The following DHX57 variants were observed in gnomAD, a reference collection of about 807,000 sequenced individuals.
DHX57 encodes putative ATP-dependent RNA helicase DHX57.
Under a neutral mutation model 156.2 loss-of-function variants are expected in DHX57, and 105 were observed. The ratio of observed to expected loss-of-function variants is 0.67; its 90% confidence interval spans 0.57 to 0.79. The LOEUF (loss-of-function observed/expected upper bound fraction) is 0.79, where lower values mean the gene tolerates loss of function less well. Ranked by LOEUF, DHX57 falls within the 30% of genes least tolerant of loss-of-function variation. The probability of loss-of-function intolerance (pLI) is 0.00; values close to 1 mark genes in which losing one functional copy is unlikely to be tolerated. For missense variants in DHX57, 1,847 were observed against 1,661.9 expected, an observed-to-expected ratio of 1.11 and a Z score of -1.94; for synonymous variants, 704 against 595.6, an observed-to-expected ratio of 1.18 and a Z score of -2.65.
chr2:38,813,698 T>A (rs1158571590), intron 21 of DHX57, 123 bp downstream of exon 21: 2 of 1,115,650 alleles, frequency 1.8e-6, no homozygotes, highest in Non-Finnish European at 2.6e-6. Flanking sequence ...TTTAAAAGGG[T>A]GTGCGTGTGT....
chr2:38,826,014 C>T lies in DHX57; in HGVS notation c.2847G>A (p.Glu949=), dbSNP rs757869432. The T allele has an allele frequency of 6.2e-7, 1 of 1,614,164 alleles. No individual in the cohort carries two copies. Among genetic ancestry groups the T allele is most frequent in the Admixed American group, 1.7e-5 (1 of 60,010 alleles). The change falls in exon 16 of 24, where the codon GAG becomes GAA. Residue 949 remains glutamate, a synonymous_variant. Transcript: ENST00000457308. ...CATTAGCTTGAGATACAAAGGTGTC[C>T]TCTAGACTTTCCATCCCTTTGCTGG... ...YDASKGMESL[E]DTFVSQANAL...
At chr2:38,861,938 C>T in intron 4 of DHX57, 101 bp from the exon 5 acceptor site, 1 of 1,319,464 alleles carries the variant, frequency 7.6e-7, no homozygotes, top group Non-Finnish European at 1.0e-6. Flanking sequence ...TATGACTACA[C>T]ATAGGCAGGG....
At chr2:38,868,523 T>C in intron 1 of DHX57, 112 bp from the exon 2 acceptor site, 4 of 1,107,476 alleles carry the variant, frequency 3.6e-6, no homozygotes, top group Non-Finnish European at 1.3e-6. Flanking sequence ...GGAAAATGCA[T>C]ATGTAAAAAG....
intron 8 of DHX57, chr2:38,854,824 A>C (rs1672798653): frequency 2.7e-6 from 1 of 368,042 alleles, no homozygotes; most frequent in South Asian, 3.0e-5. Flanking sequence ...GGCCTCTCAA[A>C]GTGCTGGGAT....
chr2:38,803,532 G>A (rs559304355), intron 22 of DHX57, among the ~76,000 whole-genome samples: 25 of 151,580 alleles, frequency 1.6e-4, no homozygotes, highest in Non-Finnish European at 3.1e-4. Context: ...TTTTTGTCCA[G>A]GCTGGAGTGC....
intron 9 of DHX57, among the ~76,000 whole-genome samples, chr2:38,850,164 C>T (rs1672505859): frequency 6.6e-6 from 1 of 152,146 alleles, no homozygotes; most frequent in Admixed American, 6.5e-5. Context: ...GTAACTATTT[C>T]TAACAAAGTA....
chr2:38,822,167 C>T (rs1416902741), intron 17 of DHX57, among the ~76,000 whole-genome samples: 1 of 152,146 alleles, frequency 6.6e-6, no homozygotes, highest in African/African-American at 2.4e-5. Context: ...ATTGCAACCT[C>T]TGCCTCCCAG....
intron 2 of DHX57, among the ~76,000 whole-genome samples, chr2:38,866,604 A>C (rs1311322765): frequency 6.6e-6 from 1 of 152,190 alleles, no homozygotes; most frequent in Non-Finnish European, 1.5e-5. Context: ...CTATCTAGAT[A>C]AGGACAATAT....
chr2:38,826,683 A>T lies in DHX57; in HGVS notation c.2646T>A (p.Val882=). 2 of 1,613,962 alleles carry T rather than the reference A, an allele frequency of 1.2e-6. No individual in the cohort carries two copies. The highest frequency in any genetic ancestry group is 1.7e-6 in the Non-Finnish European group (2 of 1,179,872). ...ATAAAGATGAATGAAGTGGGTGAAT[A>T]ACACATCTGGAAGGAAATAAAAGCA... The part of the protein sequence containing the change: ...LFNNRRSNRC[V]IHPLHSSLSS... The change falls in exon 15 of 24, where the codon GTT becomes GTA. Residue 882 remains valine (V), a synonymous_variant. Coordinates refer to ENST00000457308, the MANE Select transcript of DHX57 (RefSeq NM_198963.3).
In DHX57 at chr2:38,859,906, G is replaced by T. The variant is rs147961882; in HGVS notation, c.1412-1070C>A. 1.2e-4 allele frequency among the ~76,000 whole-genome samples: 18 copies of T among 151,500 alleles called. No individual in the cohort carries two copies. The East Asian group carries it at 2.9e-3, about 25-fold the overall frequency. On this transcript the variant is annotated intron_variant, in intron 5 of 23. Coordinates refer to ENST00000457308, the MANE Select transcript of DHX57 (RefSeq NM_198963.3). ...ACTCACTGCAGCTTCTACCTCTGAG[G>T]CTGAAGTGATTCCCCCACATCAGCC...
intron 23 of DHX57, among the ~76,000 whole-genome samples, chr2:38,801,410 C>CTATCTATT (rs1669670351): frequency 2.0e-5 from 3 of 149,232 alleles, no homozygotes; most frequent in Middle Eastern, 3.5e-3. Flanking sequence ...ATCTATCTAT[C>CTATCTATT]TATTTATTTA....
intron 6 of DHX57, 138 bp downstream of exon 6, chr2:38,858,523 G>C (rs1321217460): frequency 1.7e-6 from 2 of 1,160,802 alleles, no homozygotes; most frequent in African/African-American, 3.1e-5. Flanking sequence ...GTTTGCTGTG[G>C]CCTGTAGAAA....
Position 38,854,118 on chromosome 2 carries a change from C to T in DHX57, c.1966G>A (p.Asp656Asn). Reference protein sequence around the residue: ...TGVLLRRLEGDTALQGVSHII... With the variant: ...TGVLLRRLEGNTALQGVSHII... ...TGGGAAACTCCTTGTAGAGCTGTAT[C>T]TCCTTCTAGCCTTCTCAGCAGCACT... The change falls in exon 9 of 24, where the codon GAT (aspartate) becomes AAT (asparagine). Residue 656 changes from aspartate (D) to asparagine (N), a missense_variant. Coordinates refer to ENST00000457308, the MANE Select transcript of DHX57 (RefSeq NM_198963.3). 6.2e-7 allele frequency: 1 copy of T among 1,614,066 alleles called. No individual in the cohort carries two copies. Among genetic ancestry groups the T allele is most frequent in the Non-Finnish European group, 8.5e-7 (1 of 1,179,958 alleles).
At chr2:38,818,641 T>C (rs537244701) in intron 19 of DHX57, among the ~76,000 whole-genome samples, 3 of 152,190 alleles carry the variant, frequency 2.0e-5, no homozygotes, top group Admixed American at 6.6e-5. Flanking sequence ...TACCCTATCT[T>C]CCGCATAAGT....
At position 38,862,344 on chromosome 2, in the gene DHX57, C is replaced by G. The variant is rs1673278972; in HGVS notation, c.384-11G>C. On this transcript the variant is annotated splice_polypyrimidine_tract_variant and intron_variant, in intron 3 of 23. Coordinates refer to ENST00000457308, the MANE Select transcript of DHX57 (RefSeq NM_198963.3). ...CCAGAAAGGCCTCTTCTAGCAAAGG[C>G]AACATTTTCATATATTAGATATTAC... The G allele has an allele frequency of 1.5e-5, 24 of 1,548,528 alleles. No homozygotes were observed. The highest frequency in any genetic ancestry group is 2.0e-5 in the Non-Finnish European group (23 of 1,142,574).
chr2:38,832,999 T>C (rs1450167466), intron 13 of DHX57, among the ~76,000 whole-genome samples: 1 of 151,014 alleles, frequency 6.6e-6, no homozygotes, highest in Non-Finnish European at 1.5e-5. Flanking sequence ...TTTTTTTTTT[T>C]TTTCTGAGAC....
intron 10 of DHX57, among the ~76,000 whole-genome samples, chr2:38,848,039 C>T (rs747165257): frequency 5.3e-5 from 8 of 151,498 alleles, no homozygotes; most frequent in African/African-American, 1.9e-4. Flanking sequence ...GCCGAGATCA[C>T]GCCACTGCAC....
intron 16 of DHX57, among the ~76,000 whole-genome samples, chr2:38,823,960 A>C (rs189051807): frequency 1.1e-4 from 17 of 152,160 alleles, no homozygotes; most frequent in Non-Finnish European, 2.4e-4. Context: ...GCAGTGAGCC[A>C]AGATCATGCC....
rs766599238 is a variant in DHX57, at chr2:38,862,208, G to A, written c.509C>T (p.Ala170Val). The A allele has an allele frequency of 1.9e-5, 30 of 1,613,728 alleles. No individual in the cohort carries two copies. The highest frequency in any genetic ancestry group is 2.5e-5 in the Non-Finnish European group (29 of 1,179,824). ...DLDPLEYAGL[A>V]SVEPYVPEFT... ...TTCTGGAACATAAGGCTCCACTGAG[G>A]CTAAGCCAGCATATTCCAAAGGATC... Residue 170 changes from alanine (A) to valine (V), a missense_variant, in exon 4 of 24, where the codon GCC becomes GTC. By Grantham distance (64) the Ala-to-Val change is moderately conservative (BLOSUM62 0). Coordinates refer to ENST00000457308, the MANE Select transcript of DHX57 (RefSeq NM_198963.3).
Sources: gnomAD v4.1 joint callset for allele counts (sites outside exome capture counted in the v4.1 genomes callset) on GRCh38, gnomAD v4.1.1 for gene constraint, MANE v1.5 for transcripts, NCBI Gene and HGNC (gene_info 2026-07-23, HGNC 2026-07-21) for gene names.